INTS8: variants seen among roughly 807,000 people sequenced by gnomAD.
INTS8 encodes protein kaonashi-1.
A neutral mutation model predicts 138.9 loss-of-function variants in INTS8; 47 were observed. The ratio of observed to expected loss-of-function variants is 0.34; its 90% CI spans 0.27 to 0.43. The LOEUF (loss-of-function observed/expected upper bound fraction) is 0.43, where lower values mean the gene tolerates loss of function less well. Ranked by LOEUF, INTS8 falls within the 20% of genes least tolerant of loss-of-function variation. The pLI is 1.00. For synonymous variants in INTS8, 392 were observed against 400.9 expected, an observed-to-expected ratio of 0.98 and a Z score of 0.27; for missense variants, 996 against 1,173.0, an observed-to-expected ratio of 0.85 and a Z score of 2.20.
chr8:94,844,966 C>A (rs995703645), intron 10 of INTS8, among the ~76,000 whole-genome samples: 3 of 151,720 alleles, frequency 2.0e-5, no homozygotes, highest in African/African-American at 7.3e-5. Flanking sequence ...GTTGTCCAGG[C>A]TGGGCTCGAA....
At chr8:94,867,682 C>A in intron 20 of INTS8, 1 of 175,030 alleles carries the variant, frequency 5.7e-6, no homozygotes, top group Non-Finnish European at 1.2e-5. Context: ...CACCACCACG[C>A]CTGGCTAATT....
intron 8 of INTS8, among the ~76,000 whole-genome samples, chr8:94,840,112 C>T (rs916706211): frequency 6.6e-6 from 1 of 152,238 alleles, no homozygotes; most frequent in African/African-American, 2.4e-5. Context: ...GCAGGACTCT[C>T]TTAGAAATTG....
chr8:94,861,836 C>T (rs920860552), intron 16 of INTS8, among the ~76,000 whole-genome samples: 2 of 152,148 alleles, frequency 1.3e-5, no homozygotes, highest in Non-Finnish European at 2.9e-5. Context: ...CAGGCGTGAG[C>T]CACCGCGCCC....
At chr8:94,851,834 C>A (rs1815557544) in intron 13 of INTS8, 148 bp downstream of exon 13, 1 of 508,850 alleles carries the variant, frequency 2.0e-6, no homozygotes. Flanking sequence ...GCATTTTTAA[C>A]ATCCATTGAC....
chr8:94,831,905 C>T (rs533329284), intron 5 of INTS8, 87 bp from the exon 6 acceptor site: 93 of 1,061,750 alleles, frequency 8.8e-5, no homozygotes, highest in Admixed American at 3.1e-5. Context: ...GCTTAGTGTA[C>T]TGAGTTACTA....
At chr8:94,866,764 G>A (rs1375691611) in intron 18 of INTS8, 1 of 192,674 alleles carries the variant, frequency 5.2e-6, no homozygotes, top group African/African-American at 2.3e-5. Context: ...GATGTGTGAA[G>A]CCTGGCTTTA....
At chr8:94,859,854 G>C (rs1454522682) in intron 16 of INTS8, 5 of 462,624 alleles carry the variant, frequency 1.1e-5, no homozygotes, top group Non-Finnish European at 2.0e-5. Context: ...TGTAGTCACA[G>C]ATTATTTAGT....
At position 94,827,305 on chromosome 8, in the gene INTS8, C is replaced by A. The variant is rs567627377; in HGVS notation, c.348C>A (p.Leu116=). 6.2e-7 allele frequency: 1 copy of A among 1,613,264 alleles called. No individual in the cohort carries two copies. The highest frequency in any genetic ancestry group is 1.7e-5 in the Admixed American group (1 of 60,016). Residue 116 remains leucine (L), a synonymous_variant, in exon 3 of 27, where the codon CTC becomes CTA. Transcript: ENST00000523731. ...PVLNMLLNEL[L]CISKVPPGTK... ...TGAATATGCTACTAAATGAACTACTCTGCATCAGTAAAGTTCCTCCTGGGA... is the reference window on the plus strand; with the variant it reads ...TGAATATGCTACTAAATGAACTACTATGCATCAGTAAAGTTCCTCCTGGGA...
At chr8:94,832,276 C>CT in intron 6 of INTS8, 102 bp downstream of exon 6, 1 of 803,526 alleles carries the variant, frequency 1.2e-6, no homozygotes, top group Non-Finnish European at 2.0e-6. Flanking sequence ...GCCTTTGTCT[C>CT]TTAAGATGCT....
At chr8:94,848,013 C>CTTGTTTTTTTTTTTTTTT (rs1815393920) in intron 10 of INTS8, among the ~76,000 whole-genome samples, 1 of 129,998 alleles carries the variant, frequency 7.7e-6, no homozygotes, top group Non-Finnish European at 1.7e-5. Context: ...TAAAACACTG[C>CTTGTTTTTTTTTTTTTTT]TTTTTTTTTT....
chr8:94,838,708 T>C, intron 8 of INTS8, 90 bp downstream of exon 8: 1 of 1,034,654 alleles, frequency 9.7e-7, no homozygotes, highest in African/African-American at 1.6e-5. Flanking sequence ...CAGTTACGCG[T>C]TTTGGGGCAA....
chr8:94,875,261 A>G (rs1816529169), intron 23 of INTS8, among the ~76,000 whole-genome samples: 2 of 152,212 alleles, frequency 1.3e-5, no homozygotes, highest in Non-Finnish European at 2.9e-5. Context: ...ATAATGCAGC[A>G]TATCTATGCA....
chr8:94,829,021 A>G lies in INTS8; in HGVS notation c.565A>G (p.Lys189Glu), dbSNP rs750779114. 28 of 1,598,022 alleles carry G rather than the reference A, an allele frequency of 1.8e-5. No individual in the cohort carries two copies. The highest frequency in any genetic ancestry group is 2.3e-5 in the Non-Finnish European group (27 of 1,170,586). ...AAAAGAGCTAACAGAAAACATTTTG[A>G]AAGTGGTAAGTATTGGCATCAGTTA... is the stretch of plus-strand genomic sequence containing the variant. Reference protein sequence around the residue: ...QEKELTENILKVLKEQAADSI... With the variant: ...QEKELTENILEVLKEQAADSI... Residue 189 changes from lysine to glutamate, a missense_variant, in exon 5 of 27, where the codon AAA (lysine) becomes GAA (glutamate). By Grantham distance (56) the Lys-to-Glu change is moderately conservative. Transcript: ENST00000523731.
Position 94,838,559 on chromosome 8 carries a change from T to C in INTS8, c.958T>C (p.Ser320Pro), listed in dbSNP as rs1815019117. The part of the protein sequence containing the change: ...DVLVPSSDST[S>P]QQLTPYSQVH... ...TCTTGTACCTTCTTCTGATAGTACATCTCAACAGTTGACTCCATATAGTCA... is the reference window on the plus strand; with the variant it reads ...TCTTGTACCTTCTTCTGATAGTACACCTCAACAGTTGACTCCATATAGTCA... Residue 320 changes from serine (S) to proline (P), a missense_variant, in exon 8 of 27, where the codon TCT becomes CCT. Coordinates refer to ENST00000523731, the MANE Select transcript of INTS8 (RefSeq NM_017864.4). The C allele has an allele frequency of 1.9e-6, 3 of 1,612,932 alleles. No homozygotes were observed. The highest frequency in any genetic ancestry group is 2.5e-6 in the Non-Finnish European group (3 of 1,178,862).
In INTS8 at chr8:94,867,521, C is replaced by CTTT. The variant is rs35100522; in HGVS notation, c.2414+202_2414+204dup. 53 of 239,194 alleles carry CTTT rather than the reference C, an allele frequency of 2.2e-4. 1 individual carries two copies. The highest frequency in any genetic ancestry group is 5.3e-4 in the South Asian group (8 of 14,996). The allele number at this position is 239,194 out of a possible 1,614,324, so 14.8% of individuals were successfully genotyped here. On this transcript the variant is annotated intron_variant, in intron 20 of 26. Coordinates refer to ENST00000523731, the MANE Select transcript of INTS8 (RefSeq NM_017864.4). ...TGTAAATTGTGGATAAGGCATAACC[C>CTTT]TTTTTTTTTTTTTTTTTTTTGAGGC...
chr8:94,841,498 T>C lies in INTS8; in HGVS notation c.1025T>C (p.Ile342Thr), dbSNP rs188240260. 2.5e-6 allele frequency: 4 copies of C among 1,580,218 alleles called. No individual in the cohort carries two copies. The highest frequency in any genetic ancestry group is 4.5e-5 in the East Asian group (2 of 44,502). Residue 342 changes from isoleucine to threonine, a missense_variant, in exon 9 of 27, where the codon ATA (isoleucine) becomes ACA (threonine). Coordinates refer to ENST00000523731, the MANE Select transcript of INTS8 (RefSeq NM_017864.4). The part of the protein sequence containing the change: ...CLRSGNYQEV[I>T]QIFIEDNLTL... ...TTTATGTGTGTGTTCTAGGAGGTAA[T>C]ACAGATTTTCATTGAAGACAACTTA... is the stretch of plus-strand genomic sequence containing the variant.
Position 94,849,912 on chromosome 8 carries a change from C to G in INTS8, c.1332-4C>G, listed in dbSNP as rs769908967. On this transcript the variant is annotated splice_polypyrimidine_tract_variant and splice_region_variant and intron_variant, in intron 11 of 26. Coordinates refer to ENST00000523731, the MANE Select transcript of INTS8 (RefSeq NM_017864.4). ...TTGTTTTACAATATTTCTTACTGAT[C>G]TAGGAATGTGTGTCTGGGGTTGGAA... 3 of 1,599,264 alleles carry G rather than the reference C, an allele frequency of 1.9e-6. No individual in the cohort carries two copies. In the Admixed American group the frequency reaches 5.2e-5, roughly 28 times the overall value.
chr8:94,860,879 C>A (rs547302330), intron 16 of INTS8, among the ~76,000 whole-genome samples: 1 of 151,778 alleles, frequency 6.6e-6, no homozygotes, highest in Admixed American at 6.6e-5. Flanking sequence ...CAAGGTGAAA[C>A]CCCGTCCTTA....
rs554781008 is a variant in INTS8, at chr8:94,867,464, T to G, written c.2414+127T>G. The G allele has an allele frequency of 7.4e-6, 5 of 674,428 alleles. No homozygotes were observed. The East Asian group carries it at 1.3e-4, about 18-fold the overall frequency. The allele number at this position is 674,428 out of a possible 1,614,324, so 41.8% of individuals were successfully genotyped here. Reference sequence around the variant, plus strand: ...AATCTAAGATTCTACAGTCTTTGTGTTTCTCTATTATGATAATGATAATTA... The same window carrying G: ...AATCTAAGATTCTACAGTCTTTGTGGTTCTCTATTATGATAATGATAATTA... On this transcript the variant is annotated intron_variant, in intron 20 of 26. Coordinates refer to ENST00000523731, the MANE Select transcript of INTS8 (RefSeq NM_017864.4).
Sources: gnomAD v4.1 joint callset for allele counts (sites outside exome capture counted in the v4.1 genomes callset) on GRCh38, gnomAD v4.1.1 for gene constraint, MANE v1.5 for transcripts, NCBI Gene and HGNC (gene_info 2026-07-23, HGNC 2026-07-21) for gene names.